Variants in ARHGEF10 observed in about 807,000 individuals in gnomAD.
ARHGEF10 encodes Rho guanine nucleotide exchange factor (GEF) 10.
A neutral mutation model predicts 147.4 loss-of-function variants in ARHGEF10; 140 were observed. The ratio of observed to expected loss-of-function variants is 0.95; its 90% CI spans 0.83 to 1.09. The LOEUF (loss-of-function observed/expected upper bound fraction) is 1.09. ARHGEF10 is among the 50% of genes least tolerant of loss of function. The probability of loss-of-function intolerance (pLI) is 0.00; values close to 1 mark genes in which losing one functional copy is unlikely to be tolerated. For synonymous variants in ARHGEF10, 902 were observed against 695.8 expected (o/e 1.30, Z -4.67); for missense variants, 2,222 against 1,752.7 (o/e 1.27, Z -4.78).
rs181509873 is a variant in ARHGEF10, at chr8:1,862,509, C to G, written c.482-1864C>G. Among the ~76,000 whole-genome samples the G allele has an allele frequency of 5.4e-4, 82 of 152,376 alleles. 1 individual carries two copies. Among genetic ancestry groups the G allele is most frequent in the African/African-American group, 1.9e-3 (79 of 41,590 alleles). ...GCGACTCCCTGGCCAGCGTGTCTGCCTCCTTCTGACCTTGACAGACTCAGT... is the reference window on the plus strand; with the variant it reads ...GCGACTCCCTGGCCAGCGTGTCTGCGTCCTTCTGACCTTGACAGACTCAGT... On this transcript the variant is annotated intron_variant, in intron 4 of 28. Transcript: ENST00000349830.
Position 1,909,453 on chromosome 8 carries a change from T to C in ARHGEF10, c.2126T>C (p.Val709Ala). The C allele has an allele frequency of 6.2e-7, 1 of 1,614,082 alleles. No individual in the cohort carries two copies. The highest frequency in any genetic ancestry group is 8.5e-7 in the Non-Finnish European group (1 of 1,180,036). Reference protein sequence around the residue: ...AVHPPESLAVVANAKPNKVYM... With the variant: ...AVHPPESLAVAANAKPNKVYM... ...CACCCGCCGGAGAGCCTGGCCGTGG[T>C]TGCTAACGCGAAACCAAGTAAGTGA... The change falls in exon 18 of 29, where the codon GTT becomes GCT. Residue 709 changes from valine to alanine, a missense_variant. By Grantham distance (64) the Val-to-Ala change is moderately conservative. Coordinates refer to ENST00000349830, the MANE Select transcript of ARHGEF10 (RefSeq NM_014629.4).
At chr8:1,932,525 C>T (rs185401626) in intron 25 of ARHGEF10, among the ~76,000 whole-genome samples, 63 of 152,080 alleles carry the variant, frequency 4.1e-4, no homozygotes, top group Admixed American at 1.2e-3. Flanking sequence ...TGTGTGTGTG[C>T]GTGCATGTGT....
rs1189721941 is a variant in ARHGEF10 at position 1,841,990 on chromosome 8, G to A, written c.-47-1363G>A. On this transcript the variant is annotated intron_variant, in intron 1 of 28. Coordinates refer to ENST00000349830, the MANE Select transcript of ARHGEF10 (RefSeq NM_014629.4). ...GGAACTGGGGCCGCGGCGGGAACTG[G>A]GGCCGCGGCGGGAACTGGGGCCGCG... Among the ~76,000 whole-genome samples the A allele has an allele frequency of 4.1e-4, 30 of 72,844 alleles. 1 individual carries two copies. The highest frequency in any genetic ancestry group is 1.4e-3 in the African/African-American group (27 of 19,428). 47.8% of individuals were successfully genotyped at this position (72,844 alleles called of 152,430 possible). A position where few individuals can be genotyped will look rare whatever the true frequency, so the allele number is the denominator to read the frequency against.
intron 27 of ARHGEF10, chr8:1,945,981 G>C (rs1814556641): frequency 2.1e-6 from 1 of 479,996 alleles, no homozygotes; most frequent in Non-Finnish European, 3.8e-6. Flanking sequence ...GGTGCAACAA[G>C]GCCCTGGGGA....
intron 1 of ARHGEF10, among the ~76,000 whole-genome samples, chr8:1,834,122 A>C (rs1280495803): frequency 6.6e-6 from 1 of 152,124 alleles, no homozygotes; most frequent in Non-Finnish European, 1.5e-5. Context: ...TGGCACGGAC[A>C]GTTCTGCCTG....
At chr8:1,923,292 C>A in intron 19 of ARHGEF10, 176 bp from the exon 20 acceptor site, 2 of 1,044,628 alleles carry the variant, frequency 1.9e-6, no homozygotes, top group Non-Finnish European at 1.4e-6. Flanking sequence ...TCAGTTCTAT[C>A]TTAGAAATGT....
intron 1 of ARHGEF10, among the ~76,000 whole-genome samples, chr8:1,834,944 G>A (rs917526758): frequency 6.6e-6 from 1 of 152,170 alleles, no homozygotes; most frequent in Non-Finnish European, 1.5e-5. Context: ...GGGTCTGTCC[G>A]CGGGGCCACT....
intron 14 of ARHGEF10, among the ~76,000 whole-genome samples, chr8:1,897,590 TCC>T (rs1810103839): frequency 6.6e-6 from 1 of 151,212 alleles, no homozygotes; most frequent in Non-Finnish European, 1.5e-5. Context: ...GGATCGCAGT[TCC>T]CACTCTCGAC....
At chr8:1,946,697 A>G (rs1310485044) in intron 27 of ARHGEF10, among the ~76,000 whole-genome samples, 1 of 152,196 alleles carries the variant, frequency 6.6e-6, no homozygotes, top group Non-Finnish European at 1.5e-5. Flanking sequence ...CATTCAGTCC[A>G]TGACGGGCCA....
At chr8:1,876,404 C>G (rs1413859943) in intron 7 of ARHGEF10, 167 bp from the exon 8 acceptor site, 7 of 714,870 alleles carry the variant, frequency 9.8e-6, no homozygotes, top group Non-Finnish European at 1.7e-5. Flanking sequence ...GGAGGCGCTG[C>G]ACGGTGCCTT....
chr8:1,924,026 C>A, intron 21 of ARHGEF10, 152 bp downstream of exon 21: 1 of 786,894 alleles, frequency 1.3e-6, no homozygotes, highest in Non-Finnish European at 2.2e-6. Context: ...TTCACCCTGG[C>A]ACCGGCGATT....
At chr8:1,823,366 G>A (rs1297120953), upstream of ARHGEF10, among the ~76,000 whole-genome samples, 1 of 138,510 alleles carries the variant, frequency 7.2e-6, no homozygotes, top group African/African-American at 2.6e-5. Flanking sequence ...AGGGACGGGG[G>A]CTCAAGGGCG....
chr8:1,843,472 T>G lies in ARHGEF10; in HGVS notation c.37+36T>G, dbSNP rs11136432. ...TCAGTAGGTGGGCCTGTGGGTCAGG[T>G]TGTGCTGCTGCTCTCATCAAGGACG... On this transcript the variant is annotated intron_variant, in intron 2 of 28. Coordinates refer to ENST00000349830, the MANE Select transcript of ARHGEF10 (RefSeq NM_014629.4). 823,408 of 1,536,610 alleles carry G rather than the reference T, an allele frequency of 0.54. 227,283 individuals carry two copies. The highest frequency in any genetic ancestry group is 0.58 in the Non-Finnish European group (641,307 of 1,113,570).
chr8:1,834,047 G>GTA (rs1563151222), intron 1 of ARHGEF10, among the ~76,000 whole-genome samples: 7 of 152,164 alleles, frequency 4.6e-5, no homozygotes, highest in African/African-American at 1.7e-4. Flanking sequence ...TGCCTGCTGC[G>GTA]ACTGCAGAGG....
chr8:1,898,517 C>T lies in ARHGEF10; in HGVS notation c.1642C>T (p.Leu548=). The change falls in exon 15 of 29, where the codon CTG becomes TTG. Residue 548 remains leucine (L), a synonymous_variant. Transcript: ENST00000349830. ...PIQRFPQFIL[L]LQDMLKNTSK... ...CCAGAGGTTCCCACAGTTCATCCTC[C>T]TGCTCCAGGTAAGTGCTTCACGGAG... 1 of 1,614,100 alleles carries T rather than the reference C, an allele frequency of 6.2e-7. No individual in the cohort carries two copies.
intron 26 of ARHGEF10, 27 bp downstream of exon 26, chr8:1,933,969 G>C (rs747854125): frequency 6.2e-7 from 1 of 1,614,136 alleles, no homozygotes; most frequent in Non-Finnish European, 8.5e-7. Flanking sequence ...GCTACACGGT[G>C]TGGAAAAAAT....
chr8:1,903,046 C>T (rs112389987), intron 15 of ARHGEF10, among the ~76,000 whole-genome samples: 5 of 152,150 alleles, frequency 3.3e-5, no homozygotes, highest in Non-Finnish European at 5.9e-5. Flanking sequence ...TTAGCGTGTC[C>T]TTTATTGTAC....
chr8:1,921,456 C>T (rs1012328907), intron 18 of ARHGEF10, among the ~76,000 whole-genome samples: 8 of 152,304 alleles, frequency 5.3e-5, no homozygotes, highest in South Asian at 2.1e-4. Flanking sequence ...AGGCCAGGCA[C>T]GGTGGCTCAC....
chr8:1,894,658 G>C (rs1563248605), intron 13 of ARHGEF10, 86 bp downstream of exon 13: 2 of 1,473,798 alleles, frequency 1.4e-6, no homozygotes, highest in Non-Finnish European at 1.9e-6. Context: ...TTTTGCCCCT[G>C]ATCTCCTGCA....
Sources: gnomAD v4.1 joint callset for allele counts (sites outside exome capture counted in the v4.1 genomes callset) on GRCh38, gnomAD v4.1.1 for gene constraint, MANE v1.5 for transcripts, NCBI Gene and HGNC (gene_info 2026-07-23, HGNC 2026-07-21) for gene names.